The following CD226 variants were observed in gnomAD, a reference collection of about 807,000 sequenced individuals.
The protein encoded by CD226 is CD226 antigen.
In CD226, 24 loss-of-function variants were observed where a neutral mutation model predicts 34.9. The ratio of observed to expected loss-of-function variants is 0.69; its 90% CI spans 0.50 to 0.97. The LOEUF (loss-of-function observed/expected upper bound fraction) is 0.97. Ranked by LOEUF, CD226 falls within the 50% of genes least tolerant of loss-of-function variation. The pLI, the probability that CD226 is intolerant of heterozygous loss-of-function variation, is 0.00. For synonymous variants in CD226, 148 were observed against 147.4 expected, an observed-to-expected ratio of 1.00 and a Z score of -0.03; for missense variants, 397 against 412.7, an observed-to-expected ratio of 0.96 and a Z score of 0.33.
chr18:69,894,966 G>T (rs572024303), intron 3 of CD226, among the ~76,000 whole-genome samples: 1 of 152,064 alleles, frequency 6.6e-6, no homozygotes, highest in African/African-American at 2.4e-5. Context: ...CAAATAGTGT[G>T]GTGCCTTGGA....
intron 3 of CD226, among the ~76,000 whole-genome samples, chr18:69,882,729 G>A (rs1430549391): frequency 6.6e-6 from 1 of 152,238 alleles, no homozygotes; most frequent in East Asian, 1.9e-4. Flanking sequence ...GAATTAGTGT[G>A]CAGAAAAGAG....
intron 3 of CD226, among the ~76,000 whole-genome samples, chr18:69,889,487 T>TA (rs11452379): frequency 0.072 from 10,561 of 147,312 alleles, 384 homozygotes; most frequent in Middle Eastern, 0.088. Context: ...ATGGAATCCT[T>TA]AAAAAAAAAA....
chr18:69,900,838 G>A (rs1409955810), intron 2 of CD226, among the ~76,000 whole-genome samples: 1 of 151,888 alleles, frequency 6.6e-6, no homozygotes, highest in Non-Finnish European at 1.5e-5. Context: ...CAATGTGCAT[G>A]TATTTTTATT....
At chr18:69,960,890 T>G (rs562257240), upstream of CD226, among the ~76,000 whole-genome samples, 10 of 152,344 alleles carry the variant, frequency 6.6e-5, no homozygotes, top group African/African-American at 2.4e-4. Context: ...AATTCAATTT[T>G]GAAATAAGAC....
At chr18:69,893,741 C>A (rs1453350424) in intron 3 of CD226, among the ~76,000 whole-genome samples, 2 of 152,176 alleles carry the variant, frequency 1.3e-5, no homozygotes. Context: ...ACCAACCACT[C>A]ATCATTTTCA....
chr18:69,900,592 C>G lies in CD226; in HGVS notation c.383-4547G>C. On this transcript the variant is annotated intron_variant, in intron 2 of 5. Coordinates refer to ENST00000582621, the MANE Select transcript of CD226 (RefSeq NM_001303618.2). ...CTAAAAATACAAAAAATTAGCCGGG[C>G]GCGGTGGCGGGCGCCTGTAGTCCCA... is the stretch of plus-strand genomic sequence containing the variant. Among the ~76,000 whole-genome samples, 4 of 150,846 alleles carry G rather than the reference C, an allele frequency of 2.7e-5. No homozygotes were observed. The South Asian group carries it at 8.4e-4, about 32-fold the overall frequency.
chr18:69,889,360 T>C (rs1007551224), intron 3 of CD226, among the ~76,000 whole-genome samples: 1 of 152,104 alleles, frequency 6.6e-6, no homozygotes, highest in African/African-American at 2.4e-5. Flanking sequence ...CACCACACAA[T>C]GTCATGGAAA....
intron 4 of CD226, among the ~76,000 whole-genome samples, chr18:69,871,390 T>A (rs1158884850): frequency 6.6e-6 from 1 of 152,236 alleles, no homozygotes; most frequent in Non-Finnish European, 1.5e-5. Flanking sequence ...AGACAAATGT[T>A]TATTGAGCAT....
At chr18:69,911,259 T>A (rs1387321254) in intron 2 of CD226, among the ~76,000 whole-genome samples, 1 of 152,118 alleles carries the variant, frequency 6.6e-6, no homozygotes, top group Non-Finnish European at 1.5e-5. Context: ...TGCTGGAGAT[T>A]GCCACAGAGC....
intron 1 of CD226, among the ~76,000 whole-genome samples, chr18:69,956,225 T>C (rs2145389503): frequency 6.6e-6 from 1 of 152,354 alleles, no homozygotes; most frequent in East Asian, 1.9e-4. Context: ...ACCGCTGTTT[T>C]TGTGCTGCAA....
In CD226 at chr18:69,946,727, C is replaced by T; in HGVS notation, c.382+7G>A. Reference sequence around the variant, plus strand: ...GGGATTTAAAAAAAAAAAAAACTTGCCCTTACCTGACTGAACCACCTGTAT... The same window carrying T: ...GGGATTTAAAAAAAAAAAAAACTTGTCCTTACCTGACTGAACCACCTGTAT... On this transcript the variant is annotated splice_region_variant and intron_variant, in intron 2 of 5. Coordinates refer to ENST00000582621, the MANE Select transcript of CD226 (RefSeq NM_001303618.2). 2 of 1,583,072 alleles carry T rather than the reference C, an allele frequency of 1.3e-6. No homozygotes were observed. Among genetic ancestry groups the T allele is most frequent in the Non-Finnish European group, 1.7e-6 (2 of 1,164,174 alleles).
rs1982602384 is a variant in CD226, at chr18:69,856,113, A to G, written c.*8201T>C. On this transcript the variant is annotated 3_prime_UTR_variant, in exon 6 of 6. Transcript: ENST00000582621. ...ATAATTTAAAATTAAAAGGATAAAG[A>G]TGTGAGATGCTAATGTTAATTTTTT... 2 of 152,120 alleles carry G rather than the reference A, an allele frequency of 1.3e-5. No homozygotes were observed. Among genetic ancestry groups the G allele is most frequent in the Admixed American group, 6.5e-5 (1 of 15,280 alleles). The allele number at this position is 152,120 out of a possible 1,614,324, so 9.4% of individuals were successfully genotyped here.
intron 3 of CD226, among the ~76,000 whole-genome samples, chr18:69,886,971 T>C (rs1984593655): frequency 6.6e-6 from 1 of 152,154 alleles, no homozygotes; most frequent in Non-Finnish European, 1.5e-5. Context: ...AAATAATAAC[T>C]AGGAATAATT....
intron 3 of CD226, among the ~76,000 whole-genome samples, chr18:69,879,806 C>T (rs1260632517): frequency 6.6e-6 from 1 of 152,230 alleles, no homozygotes; most frequent in East Asian, 1.9e-4. Flanking sequence ...TGGCTTCAGC[C>T]AGTCCCTCCG....
intron 4 of CD226, among the ~76,000 whole-genome samples, chr18:69,871,957 C>T (rs563867440): frequency 1.2e-4 from 19 of 152,074 alleles, no homozygotes; most frequent in Admixed American, 2.6e-4. Flanking sequence ...AGGCTGGAGA[C>T]GTTACCAAAA....
chr18:69,961,314 A>G (rs2055928553), upstream of CD226, among the ~76,000 whole-genome samples: 3 of 152,336 alleles, frequency 2.0e-5, no homozygotes, highest in South Asian at 6.2e-4. Flanking sequence ...GGCAAGACCC[A>G]ATTTTGAGAA....
intron 1 of CD226, among the ~76,000 whole-genome samples, chr18:69,953,642 G>C (rs940823599): frequency 6.6e-6 from 1 of 152,196 alleles, no homozygotes; most frequent in Non-Finnish European, 1.5e-5. Context: ...TTTGGAATCT[G>C]ATAAAAGCGG....
Position 69,854,007 on chromosome 18 carries a change from A to C in CD226, c.*10307T>G, listed in dbSNP as rs1982545963. 6.6e-6 allele frequency: 1 copy of C among 152,206 alleles called. No individual in the cohort carries two copies. Among genetic ancestry groups the C allele is most frequent in the African/African-American group, 2.4e-5 (1 of 41,450 alleles). 9.4% of individuals were successfully genotyped at this position (152,206 alleles called of 1,614,324 possible). ...ACAGGAACCCTAGTGCAGTATCAGA[A>C]AGTCAGGGCAAAGAGACAGGTCAGA... On this transcript the variant is annotated 3_prime_UTR_variant, in exon 6 of 6. Transcript: ENST00000582621.
intron 3 of CD226, among the ~76,000 whole-genome samples, chr18:69,881,522 A>G (rs934968365): frequency 6.6e-6 from 1 of 152,228 alleles, no homozygotes; most frequent in Non-Finnish European, 1.5e-5. Context: ...CCACAAGGGT[A>G]GCTATGAGAT....
Sources: gnomAD v4.1 joint callset for allele counts (sites outside exome capture counted in the v4.1 genomes callset) on GRCh38, gnomAD v4.1.1 for gene constraint, MANE v1.5 for transcripts, NCBI Gene and HGNC (gene_info 2026-07-23, HGNC 2026-07-21) for gene names.